Variants in CCDC73 observed in about 807,000 individuals in gnomAD.
CCDC73 encodes coiled-coil domain containing 73.
Under a neutral mutation model 116.5 loss-of-function variants are expected in CCDC73, and 95 were observed. The ratio of observed to expected loss-of-function variants is 0.82; its 90% CI spans 0.69 to 0.97. CCDC73 has a LOEUF of 0.97. CCDC73 is among the 50% of genes least tolerant of loss of function. The pLI is 0.00. For synonymous variants in CCDC73, 398 were observed against 401.3 expected (o/e 0.99, Z 0.10); for missense variants, 1,066 against 1,206.8 (o/e 0.88, Z 1.73).
intron 1 of CCDC73, among the ~76,000 whole-genome samples, chr11:32,781,184 C>T (rs892681780): frequency 6.6e-6 from 1 of 152,146 alleles, no homozygotes; most frequent in Admixed American, 6.5e-5. Flanking sequence ...TATGTTAACA[C>T]TTTGTTAGAA....
At chr11:32,768,294 G>A (rs1590638700) in intron 1 of CCDC73, among the ~76,000 whole-genome samples, 1 of 152,234 alleles carries the variant, frequency 6.6e-6, no homozygotes, top group East Asian at 1.9e-4. Context: ...GACACAGGAA[G>A]GGGAACATCA....
At chr11:32,672,987 A>G (rs373032894) in intron 9 of CCDC73, among the ~76,000 whole-genome samples, 1 of 152,318 alleles carries the variant, frequency 6.6e-6, no homozygotes, top group East Asian at 1.9e-4. Context: ...CAATAGTATT[A>G]TAATATTAAT....
At chr11:32,703,638 G>GT (rs1394821356) in intron 3 of CCDC73, among the ~76,000 whole-genome samples, 2 of 152,254 alleles carry the variant, frequency 1.3e-5, no homozygotes, top group African/African-American at 4.8e-5. Flanking sequence ...ACAAAAACCA[G>GT]TTTTATCATC....
intron 7 of CCDC73, among the ~76,000 whole-genome samples, chr11:32,676,645 C>G (rs996264965): frequency 6.6e-6 from 1 of 152,124 alleles, no homozygotes; most frequent in Non-Finnish European, 1.5e-5. Flanking sequence ...GTTATCTGGG[C>G]ATGGTGGCAC....
At chr11:32,830,025 C>CG in the CCDC73 span, 2 of 985,954 alleles carry the variant, frequency 2.0e-6, no homozygotes, top group Non-Finnish European at 2.4e-6. Flanking sequence ...GGTTTGCGCG[C>CG]GGGGGCCATC....
At chr11:32,672,471 A>C (rs1296336787) in intron 9 of CCDC73, among the ~76,000 whole-genome samples, 1 of 152,228 alleles carries the variant, frequency 6.6e-6, no homozygotes, top group African/African-American at 2.4e-5. Flanking sequence ...ATAAAGGCTT[A>C]TTAATATTTT....
intron 14 of CCDC73, among the ~76,000 whole-genome samples, chr11:32,630,626 A>G (rs908064888): frequency 6.6e-5 from 10 of 152,230 alleles, no homozygotes; most frequent in African/African-American, 2.4e-4. Context: ...TACAGGCATC[A>G]GCCACTGCAC....
At chr11:32,731,633 G>C (rs1480317259) in intron 2 of CCDC73, among the ~76,000 whole-genome samples, 1 of 152,170 alleles carries the variant, frequency 6.6e-6, no homozygotes. Context: ...AGCCTCTGCT[G>C]GTGATACCCA....
intron 15 of CCDC73, 85 bp downstream of exon 15, chr11:32,615,855 G>A (rs1855468639): frequency 8.4e-7 from 1 of 1,187,810 alleles, no homozygotes; most frequent in East Asian, 2.7e-5. Flanking sequence ...CATGAAGAGG[G>A]GAGGCAGAAT....
At chr11:32,707,259 A>G (rs116203552) in intron 3 of CCDC73, among the ~76,000 whole-genome samples, 7,452 of 152,142 alleles carry the variant, frequency 0.049, 200 homozygotes, top group African/African-American at 0.068. Context: ...CAGTCAAAAA[A>G]CCCAGTGAAT....
At chr11:32,609,019 T>C (rs1755224965) in intron 17 of CCDC73, among the ~76,000 whole-genome samples, 1 of 152,140 alleles carries the variant, frequency 6.6e-6, no homozygotes, top group Non-Finnish European at 1.5e-5. Context: ...TTTTTCCTCA[T>C]AGGCTTCTGG....
intron 2 of CCDC73, among the ~76,000 whole-genome samples, chr11:32,741,450 C>G (rs1565090254): frequency 2.0e-5 from 3 of 151,960 alleles, no homozygotes; most frequent in African/African-American, 7.3e-5. Context: ...AAAACACCTT[C>G]TTTGTTTTCT....
chr11:32,712,770 T>C lies in CCDC73; in HGVS notation c.207+5306A>G, dbSNP rs141652597. Among the ~76,000 whole-genome samples, 20 of 89,054 alleles carry C rather than the reference T, an allele frequency of 2.2e-4. No individual in the cohort carries two copies. In the East Asian group the frequency reaches 7.2e-3, roughly 32 times the overall value. The allele number at this position is 89,054 out of a possible 152,430, so 58.4% of individuals were successfully genotyped here. ...AATTTACTTTTTATGTTATTCATTATAAATATGTATATATACACTTCATTT... is the reference window on the plus strand; with the variant it reads ...AATTTACTTTTTATGTTATTCATTACAAATATGTATATATACACTTCATTT... On this transcript the variant is annotated intron_variant, in intron 3 of 17. Coordinates refer to ENST00000335185, the MANE Select transcript of CCDC73 (RefSeq NM_001008391.4).
intron 6 of CCDC73, among the ~76,000 whole-genome samples, chr11:32,688,549 AT>A (rs1714181418): frequency 6.6e-6 from 1 of 152,196 alleles, no homozygotes; most frequent in African/African-American, 2.4e-5. Flanking sequence ...CATTCCAGTT[AT>A]GTACCAATGT....
intron 14 of CCDC73, among the ~76,000 whole-genome samples, chr11:32,622,238 A>G (rs1235532250): frequency 6.6e-6 from 1 of 152,210 alleles, no homozygotes; most frequent in Non-Finnish European, 1.5e-5. Flanking sequence ...TATTCGCAAT[A>G]GCAAAGACAC....
the CCDC73 span, among the ~76,000 whole-genome samples, chr11:32,801,595 C>T: frequency 2.0e-4 from 30 of 150,984 alleles, no homozygotes; most frequent in Non-Finnish European, 3.5e-4. Context: ...GAGCGGCAAT[C>T]GCACCACTGC....
chr11:32,776,966 C>T (rs1182619940), intron 1 of CCDC73, among the ~76,000 whole-genome samples: 87 of 123,566 alleles, frequency 7.0e-4, no homozygotes, highest in Admixed American at 1.9e-3. Flanking sequence ...TATATACACA[C>T]ACACACATAT....
At chr11:32,770,439 A>G (rs1346883316) in intron 1 of CCDC73, among the ~76,000 whole-genome samples, 1 of 151,108 alleles carries the variant, frequency 6.6e-6, no homozygotes, top group Non-Finnish European at 1.5e-5. Flanking sequence ...TAGATACACG[A>G]TGGGAAGAAT....
intron 3 of CCDC73, among the ~76,000 whole-genome samples, chr11:32,711,671 C>T (rs971736628): frequency 1.3e-5 from 2 of 152,050 alleles, no homozygotes; most frequent in Non-Finnish European, 2.9e-5. Context: ...GTAGACTGTT[C>T]GGGTGATGGG....
Sources: gnomAD v4.1 joint callset for allele counts (sites outside exome capture counted in the v4.1 genomes callset) on GRCh38, gnomAD v4.1.1 for gene constraint, MANE v1.5 for transcripts, NCBI Gene and HGNC (gene_info 2026-07-23, HGNC 2026-07-21) for gene names.